The following HDAC4 variants were observed in gnomAD, a reference collection of about 807,000 sequenced individuals.
HDAC4 encodes histone deacetylase 4.
Under a neutral mutation model 135.1 loss-of-function variants are expected in HDAC4, and 16 were observed. That is an observed-to-expected ratio of 0.12 (90% confidence interval 0.08 to 0.18). The LOEUF is 0.18. HDAC4 is among the 10% of genes least tolerant of loss of function. The pLI is 1.00. For missense variants in HDAC4, 1,143 were observed against 1,511.8 expected, an observed-to-expected ratio of 0.76 and a Z score of 4.05; for synonymous variants, 685 against 653.4, an observed-to-expected ratio of 1.05 and a Z score of -0.74.
intron 22 of HDAC4, among the ~76,000 whole-genome samples, chr2:239,074,565 T>A (rs1305797253): frequency 6.6e-6 from 1 of 152,254 alleles, no homozygotes; most frequent in Non-Finnish European, 1.5e-5. Flanking sequence ...CACGTGAGGC[T>A]GCGTGGGGCA....
chr2:239,233,196 GAGAACAAAGTCTAC>G (rs1267531275), intron 3 of HDAC4, among the ~76,000 whole-genome samples: 2 of 152,194 alleles, frequency 1.3e-5, no homozygotes, highest in African/African-American at 4.8e-5. Context: ...AAAAAAGAAA[GAGAACAAAGTCTAC>G]AGATAAAAAG....
intron 5 of HDAC4, among the ~76,000 whole-genome samples, chr2:239,173,319 G>T (rs2043567456): frequency 6.6e-6 from 1 of 151,228 alleles, no homozygotes; most frequent in Admixed American, 6.6e-5. Flanking sequence ...CAAGTTGACT[G>T]GGGTTATTTT....
chr2:239,167,950 T>TGGGTGGGGCGGGGCGGGGC lies in HDAC4; in HGVS notation c.491-4046_491-4028dup. Among the ~76,000 whole-genome samples, 1 of 12,866 alleles carries TGGGTGGGGCGGGGCGGGGC rather than the reference T, an allele frequency of 7.8e-5. No homozygotes were observed. Among genetic ancestry groups the TGGGTGGGGCGGGGCGGGGC allele is most frequent in the Non-Finnish European group, 1.5e-4 (1 of 6,724 alleles). The allele number at this position is 12,866 out of a possible 152,430, so 8.4% of individuals were successfully genotyped here. On this transcript the variant is annotated intron_variant, in intron 5 of 26. Transcript: ENST00000543185. This position sits in a 1 kb window ranked among gnomAD's most constrained non-coding sequence, Gnocchi z 4.1. ...GGCAGAGAGAGGAGGACAGCAGCTCTGGGTGGGGCGGGGCGGGGCAGGTGG... is the reference window on the plus strand; with the variant it reads ...GGCAGAGAGAGGAGGACAGCAGCTCTGGGTGGGGCGGGGCGGGGCGGGTGGGGCGGGGCGGGGCAGGTGG...
intron 3 of HDAC4, among the ~76,000 whole-genome samples, chr2:239,192,178 C>T (rs1437677802): frequency 2.8e-5 from 3 of 106,584 alleles, no homozygotes; most frequent in African/African-American, 1.1e-4. Flanking sequence ...CCCCCCACCC[C>T]GCACATGGGT....
intron 2 of HDAC4, among the ~76,000 whole-genome samples, chr2:239,270,363 A>G (rs1455762661): frequency 6.6e-6 from 1 of 152,216 alleles, no homozygotes; most frequent in East Asian, 1.9e-4. Flanking sequence ...CCCCCGATGT[A>G]TTCAACTGGA....
intron 2 of HDAC4, among the ~76,000 whole-genome samples, chr2:239,346,576 C>T (rs1024753229): frequency 4.3e-5 from 6 of 140,208 alleles, no homozygotes; most frequent in Admixed American, 2.9e-4. Flanking sequence ...CACACACACA[C>T]AGACCATAAC....
At chr2:239,224,735 G>C (rs1453949354) in intron 3 of HDAC4, among the ~76,000 whole-genome samples, 1 of 152,210 alleles carries the variant, frequency 6.6e-6, no homozygotes, top group Non-Finnish European at 1.5e-5. Flanking sequence ...GATGGCATTA[G>C]AAGGCCCAAT....
At chr2:239,361,579 C>T (rs1161423192) in intron 1 of HDAC4, among the ~76,000 whole-genome samples, 1 of 152,188 alleles carries the variant, frequency 6.6e-6, no homozygotes, top group African/African-American at 2.4e-5. Flanking sequence ...GAGTTAAGAA[C>T]AAACGATTCT....
chr2:239,060,424 A>G (rs2032512998), intron 24 of HDAC4, among the ~76,000 whole-genome samples: 1 of 152,220 alleles, frequency 6.6e-6, no homozygotes. Flanking sequence ...GGAAAAGACA[A>G]TCCAATAGAA....
At chr2:239,266,525 T>C (rs1031381117) in intron 2 of HDAC4, among the ~76,000 whole-genome samples, 3 of 152,136 alleles carry the variant, frequency 2.0e-5, no homozygotes, top group African/African-American at 7.2e-5. Context: ...AACAATTACA[T>C]ACCAGCTGTC....
intron 1 of HDAC4, among the ~76,000 whole-genome samples, chr2:239,373,650 G>A (rs551906982): frequency 2.0e-5 from 3 of 152,266 alleles, no homozygotes; most frequent in South Asian, 4.2e-4. Flanking sequence ...TTTTGGTAGA[G>A]ATGGGGTTTC....
At chr2:239,178,141 A>G (rs908778442) in intron 4 of HDAC4, among the ~76,000 whole-genome samples, 6 of 152,144 alleles carry the variant, frequency 3.9e-5, no homozygotes, top group Non-Finnish European at 8.8e-5. Flanking sequence ...AGGCCTCCAC[A>G]GGTGTGAGGA....
Position 239,331,909 on chromosome 2 carries a change from C to G in HDAC4, c.22+20769G>C, listed in dbSNP as rs915126150. ...ACTGAGCGTGGGGGTGAGGAGAGCC[C>G]CGTGCCAGGAGTGAGGGCAACACGG... is the stretch of plus-strand genomic sequence containing the variant. On this transcript the variant is annotated intron_variant, in intron 2 of 26. Coordinates refer to ENST00000543185, the MANE Select transcript of HDAC4 (RefSeq NM_001378414.1). The surrounding 1 kb of genome is among the most constrained non-coding windows in gnomAD (Gnocchi z 4.5). 6.6e-6 allele frequency among the ~76,000 whole-genome samples: 1 copy of G among 152,062 alleles called. No homozygotes were observed. Among genetic ancestry groups the G allele is most frequent in the Admixed American group, 6.5e-5 (1 of 15,278 alleles).
intron 2 of HDAC4, among the ~76,000 whole-genome samples, chr2:239,316,293 C>T (rs2053111677): frequency 6.6e-6 from 1 of 152,150 alleles, no homozygotes; most frequent in South Asian, 2.1e-4. Context: ...ACTCCATAAA[C>T]CAACTCTGAA....
chr2:239,385,672 C>T (rs1016681493), intron 1 of HDAC4, among the ~76,000 whole-genome samples: 5 of 152,206 alleles, frequency 3.3e-5, no homozygotes, highest in African/African-American at 1.2e-4. Flanking sequence ...CAGACGCCAC[C>T]CCAGGAGCCC....
intron 1 of HDAC4, among the ~76,000 whole-genome samples, chr2:239,385,606 C>T (rs537137398): frequency 6.6e-6 from 1 of 152,346 alleles, no homozygotes; most frequent in Non-Finnish European, 1.5e-5. Context: ...CACAGCCTAC[C>T]AGTGGGCAAA....
At chr2:239,259,659 G>A (rs985707420) in intron 2 of HDAC4, among the ~76,000 whole-genome samples, 1 of 152,176 alleles carries the variant, frequency 6.6e-6, no homozygotes, top group African/African-American at 2.4e-5. Flanking sequence ...AAAGTGAAAG[G>A]AAGTAATAAG....
chr2:239,353,007 T>A, intron 1 of HDAC4, 89 bp from the exon 2 acceptor site: 1 of 401,738 alleles, frequency 2.5e-6, no homozygotes. Context: ...AATGATGACT[T>A]CCTCTTTTTT....
At chr2:239,206,338 AAAGT>A (rs2046046672) in intron 3 of HDAC4, among the ~76,000 whole-genome samples, 1 of 152,134 alleles carries the variant, frequency 6.6e-6, no homozygotes, top group Non-Finnish European at 1.5e-5. Flanking sequence ...AAAAAAAAAG[AAAGT>A]AATTAAATAA....
Sources: allele counts gnomAD v4.1 joint callset (sites outside exome capture counted in the v4.1 genomes callset), GRCh38; gene constraint gnomAD v4.1.1; non-coding constraint Gnocchi (gnomAD v3.1); transcripts MANE v1.5; gene names NCBI Gene and HGNC (gene_info 2026-07-23, HGNC 2026-07-21).